The following UNC79 variants were observed in gnomAD, a reference collection of about 807,000 sequenced individuals.
UNC79 encodes the protein unc-79 subunit of NALCN channel complex.
Under a neutral mutation model 283.1 loss-of-function variants are expected in UNC79, and 37 were observed. That is an observed-to-expected ratio of 0.13 (90% confidence interval 0.10 to 0.17). The LOEUF (loss-of-function observed/expected upper bound fraction) is 0.17, where lower values mean the gene tolerates loss of function less well. Among genes scored for constraint, UNC79 ranks in the 10% least tolerant of loss-of-function variants. The probability of loss-of-function intolerance (pLI) is 1.00; values close to 1 mark genes in which losing one functional copy is unlikely to be tolerated. For missense variants in UNC79, 2,272 were observed against 3,211.1 expected (o/e 0.71, Z 7.07); for synonymous variants, 1,107 against 1,200.2 (o/e 0.92, Z 1.61).
chr14:93,612,729 A>G, intron 26 of UNC79, 68 bp from the exon 28 acceptor site: 1 of 1,559,860 alleles, frequency 6.4e-7, no homozygotes, highest in Non-Finnish European at 8.7e-7. Context: ...ATCAATATCT[A>G]AGAGAGATTT....
At chr14:93,569,099 G>T (rs967605131) in intron 14 of UNC79, among the ~76,000 whole-genome samples, 19 of 152,162 alleles carry the variant, frequency 1.2e-4, no homozygotes, top group African/African-American at 3.9e-4. Context: ...CTCAATTCTG[G>T]GGTCTAAAGC....
At chr14:93,584,477 G>C (rs1223250999) in intron 20 of UNC79, among the ~76,000 whole-genome samples, 1 of 152,178 alleles carries the variant, frequency 6.6e-6, no homozygotes, top group African/African-American at 2.4e-5. Flanking sequence ...TAATTAACTT[G>C]TTGTAGGTGC....
At chr14:93,654,489 T>G (rs1243003681) in intron 37 of UNC79, among the ~76,000 whole-genome samples, 3 of 140,298 alleles carry the variant, frequency 2.1e-5, no homozygotes, top group Non-Finnish European at 4.4e-5. Flanking sequence ...TACATTACAC[T>G]CCAATGGCTA....
intron 12 of UNC79, among the ~76,000 whole-genome samples, 188 bp from the exon 13 acceptor site, chr14:93,540,472 A>T (rs182999515): frequency 2.6e-5 from 4 of 152,304 alleles, no homozygotes; most frequent in Admixed American, 2.6e-4. Flanking sequence ...AAATAGTAAG[A>T]AAATAGAATG....
chr14:93,383,720 G>A (rs1043795369), intron 1 of UNC79, among the ~76,000 whole-genome samples: 3 of 152,008 alleles, frequency 2.0e-5, no homozygotes, highest in African/African-American at 2.4e-5. Context: ...GGCTGGGCAC[G>A]GTGGCTCACA....
chr14:93,349,849 A>G (rs533203652), intron 1 of UNC79, among the ~76,000 whole-genome samples: 2 of 152,368 alleles, frequency 1.3e-5, no homozygotes, highest in Admixed American at 6.5e-5. Context: ...CAGGCTTTAT[A>G]AATGATTAAC....
chr14:93,706,681 A>G, intron 48 of UNC79, 23 bp from the exon 52 acceptor site: 1 of 1,613,428 alleles, frequency 6.2e-7, no homozygotes, highest in Non-Finnish European at 8.5e-7. Flanking sequence ...AATAAACTAA[A>G]ACCTCTTGCC....
intron 1 of UNC79, among the ~76,000 whole-genome samples, chr14:93,440,077 TG>T (rs1005596904): frequency 6.6e-6 from 1 of 151,922 alleles, no homozygotes; most frequent in African/African-American, 2.4e-5. Context: ...AAAAATACAG[TG>T]GGGTATGACA....
chr14:93,552,884 A>G (rs947389838), intron 14 of UNC79, among the ~76,000 whole-genome samples: 2 of 152,236 alleles, frequency 1.3e-5, no homozygotes, highest in Admixed American at 6.5e-5. Context: ...AGAAAGTGAC[A>G]GTCTTTACTT....
In UNC79 at chr14:93,688,886, A is replaced by T. The variant is rs1409536720; in HGVS notation, c.7085+46A>T. On this transcript the variant is annotated intron_variant, in intron 44 of 48. Transcript: ENST00000555664. This position sits in a 1 kb window ranked among gnomAD's most constrained non-coding sequence, Gnocchi z 4.0. ...GGAATGAGGGTAAAGAAGGCAGGAG[A>T]CACCCCTGAGTTTCCTCGGGCTCAG... The T allele has an allele frequency of 1.9e-6, 3 of 1,590,210 alleles. No individual in the cohort carries two copies. Among genetic ancestry groups the T allele is most frequent in the Admixed American group, 1.7e-5 (1 of 57,752 alleles).
intron 1 of UNC79, among the ~76,000 whole-genome samples, chr14:93,337,245 A>T (rs1460624806): frequency 6.6e-6 from 1 of 152,142 alleles, no homozygotes; most frequent in Non-Finnish European, 1.5e-5. Context: ...TAACTCACAG[A>T]CTCATAGAGT....
At chr14:93,695,342 C>T (rs1478026997) in intron 47 of UNC79, among the ~76,000 whole-genome samples, 1 of 152,216 alleles carries the variant, frequency 6.6e-6, no homozygotes. Context: ...CATTCACTCA[C>T]ACTATGCTGA....
At chr14:93,438,467 A>G (rs1001576642) in intron 1 of UNC79, among the ~76,000 whole-genome samples, 1 of 152,164 alleles carries the variant, frequency 6.6e-6, no homozygotes, top group African/African-American at 2.4e-5. Context: ...TCTCTAAAAA[A>G]ATAGGAAGTT....
At chr14:93,541,840 C>T (rs2061388174) in intron 13 of UNC79, among the ~76,000 whole-genome samples, 1 of 151,936 alleles carries the variant, frequency 6.6e-6, no homozygotes, top group Non-Finnish European at 1.5e-5. Context: ...CCTGTCTCGA[C>T]TAAAAATACA....
intron 22 of UNC79, among the ~76,000 whole-genome samples, chr14:93,590,093 G>A (rs977700541): frequency 6.6e-6 from 1 of 152,238 alleles, no homozygotes; most frequent in Non-Finnish European, 1.5e-5. Flanking sequence ...CTTCTTCCCT[G>A]TGTGTCCCTG....
At chr14:93,706,308 C>T (rs1345786700) in intron 48 of UNC79, among the ~76,000 whole-genome samples, 2 of 152,124 alleles carry the variant, frequency 1.3e-5, no homozygotes, top group Non-Finnish European at 2.9e-5. Context: ...ACCTTGTTCC[C>T]AAAGTCGCCT....
intron 1 of UNC79, among the ~76,000 whole-genome samples, chr14:93,362,220 G>T (rs1011218775): frequency 1.3e-5 from 2 of 152,080 alleles, no homozygotes; most frequent in African/African-American, 4.8e-5. Context: ...AGTGAGGGGT[G>T]CTTCTTTGTC....
At chr14:93,388,262 C>G (rs1391218190) in intron 1 of UNC79, among the ~76,000 whole-genome samples, 1 of 152,104 alleles carries the variant, frequency 6.6e-6, no homozygotes, top group Non-Finnish European at 1.5e-5. Flanking sequence ...CAGGCACATA[C>G]CACCACACCC....
chr14:93,623,139 A>G (rs756946794), intron 30 of UNC79, among the ~76,000 whole-genome samples: 1 of 152,232 alleles, frequency 6.6e-6, no homozygotes, highest in Non-Finnish European at 1.5e-5. Flanking sequence ...TAATCCAGGT[A>G]TCATCTCAGC....
Sources: gnomAD v4.1 joint callset for allele counts (sites outside exome capture counted in the v4.1 genomes callset) on GRCh38, gnomAD v4.1.1 for gene constraint, Gnocchi (gnomAD v3.1) non-coding constraint, MANE v1.5 for transcripts, NCBI Gene and HGNC (gene_info 2026-07-23, HGNC 2026-07-21) for gene names.